Variants in GPHN observed in about 807,000 individuals in gnomAD.
GPHN encodes gephyrin.
GPHN carries 17 observed loss-of-function variants against 95.5 expected under a neutral mutation model. The ratio of observed to expected loss-of-function variants is 0.18; its 90% CI spans 0.12 to 0.27. The LOEUF is 0.27. Ranked by LOEUF, GPHN falls within the 10% of genes least tolerant of loss-of-function variation. GPHN has a pLI of 1.00. For synonymous variants in GPHN, 320 were observed against 322.5 expected (o/e 0.99, Z 0.08); for missense variants, 660 against 978.1 (o/e 0.67, Z 4.34).
intron 1 of GPHN, among the ~76,000 whole-genome samples, chr14:66,650,460 A>G (rs1372459461): frequency 1.3e-5 from 2 of 152,226 alleles, no homozygotes; most frequent in Admixed American, 6.5e-5. Flanking sequence ...TGCTAAGGAC[A>G]TATTTCATGA....
chr14:67,225,956 TGTGTGTGCGCGCGC>T, the GPHN span, among the ~76,000 whole-genome samples: 100 of 136,292 alleles, frequency 7.3e-4, 1 homozygote, highest in Non-Finnish European at 1.3e-3. Flanking sequence ...TGTGTGTGTG[TGTGTGTGCGCGCGC>T]GCGCGTGCGC....
At chr14:67,402,372 T>C in the GPHN span, among the ~76,000 whole-genome samples, 1 of 152,210 alleles carries the variant, frequency 6.6e-6, no homozygotes, top group Non-Finnish European at 1.5e-5. Context: ...ATAATCACAT[T>C]ATGGAGAATG....
intron 2 of GPHN, among the ~76,000 whole-genome samples, chr14:66,740,545 TAA>T (rs371122417): frequency 1.4e-5 from 2 of 141,030 alleles, no homozygotes; most frequent in Non-Finnish European, 1.6e-5. Flanking sequence ...ATTTAGTACT[TAA>T]AAAAAAAAAA....
chr14:66,679,769 A>C (rs1413684548), intron 1 of GPHN, among the ~76,000 whole-genome samples: 2 of 152,164 alleles, frequency 1.3e-5, no homozygotes, highest in African/African-American at 4.8e-5. Context: ...TTCAGATATA[A>C]AATCACTATT....
the GPHN span, among the ~76,000 whole-genome samples, chr14:67,389,603 T>A: frequency 1.3e-5 from 2 of 152,126 alleles, no homozygotes. Flanking sequence ...TATATGTATA[T>A]TTACATGTAT....
intron 17 of GPHN, among the ~76,000 whole-genome samples, chr14:67,124,778 A>G (rs1023680659): frequency 6.6e-6 from 1 of 151,476 alleles, no homozygotes; most frequent in Non-Finnish European, 1.5e-5. Context: ...TTTGTTCTGG[A>G]CTATAATTCT....
chr14:67,319,189 A>G, the GPHN span, among the ~76,000 whole-genome samples: 4 of 152,332 alleles, frequency 2.6e-5, no homozygotes, highest in South Asian at 8.3e-4. Context: ...TGTGCTGAGC[A>G]TTGACAAGCC....
At chr14:67,121,508 A>T (rs1348392697) in intron 16 of GPHN, among the ~76,000 whole-genome samples, 2 of 152,188 alleles carry the variant, frequency 1.3e-5, no homozygotes, top group African/African-American at 4.8e-5. Flanking sequence ...ATAAATGAGA[A>T]AATTACGACA....
Position 66,924,302 on chromosome 14 carries a change from G to A in GPHN, c.828+10G>A. On this transcript the variant is annotated intron_variant, in intron 8 of 22. Transcript: ENST00000478722. ...TTCAACAGATGAACGGGTAAGACAA[G>A]AGGCTTTTGCATTAATGGTTTTCCA... The A allele has an allele frequency of 6.7e-7, 1 of 1,481,908 alleles. No individual in the cohort carries two copies. The highest frequency in any genetic ancestry group is 9.4e-7 in the Non-Finnish European group (1 of 1,059,510). The allele number at this position is 1,481,908 out of a possible 1,614,324, so 91.8% of individuals were successfully genotyped here.
At chr14:67,238,769 A>G in the GPHN span, among the ~76,000 whole-genome samples, 9 of 151,976 alleles carry the variant, frequency 5.9e-5, no homozygotes, top group African/African-American at 2.2e-4. Context: ...TCAGCCTCCC[A>G]AGTAGCTGGG....
chr14:67,644,864 G>T, the GPHN span, among the ~76,000 whole-genome samples: 1 of 152,186 alleles, frequency 6.6e-6, no homozygotes, highest in East Asian at 1.9e-4. Flanking sequence ...CAGGCATGGT[G>T]GCATGTGCCT....
At chr14:66,940,899 A>G (rs1466408680) in intron 8 of GPHN, among the ~76,000 whole-genome samples, 2 of 152,186 alleles carry the variant, frequency 1.3e-5, no homozygotes, top group African/African-American at 4.8e-5. Context: ...ATGTCTCATG[A>G]CATGCCCAAA....
intron 8 of GPHN, among the ~76,000 whole-genome samples, chr14:66,963,304 C>T (rs1438675948): frequency 6.6e-6 from 1 of 151,984 alleles, no homozygotes; most frequent in Admixed American, 6.6e-5. Context: ...CATATATACA[C>T]ACAGAGATAT....
chr14:66,743,417 G>C (rs28732976), intron 2 of GPHN, among the ~76,000 whole-genome samples: 47,866 of 152,070 alleles, frequency 0.31, 11,525 homozygotes, highest in African/African-American at 0.65. Flanking sequence ...CCAAACTGGT[G>C]TTGTTGCCTG....
chr14:66,650,304 G>A (rs894112698), intron 1 of GPHN, among the ~76,000 whole-genome samples: 31 of 152,124 alleles, frequency 2.0e-4, no homozygotes, highest in Admixed American at 2.0e-3. Flanking sequence ...TTTTTCAAAA[G>A]AAAAGAACAT....
chr14:67,373,739 A>G, the GPHN span, among the ~76,000 whole-genome samples: 17 of 152,264 alleles, frequency 1.1e-4, no homozygotes, highest in East Asian at 3.1e-3. Context: ...GTGATAATCT[A>G]CCATGCAGGA....
chr14:67,138,137 G>T (rs2080211628), intron 17 of GPHN, among the ~76,000 whole-genome samples: 1 of 152,152 alleles, frequency 6.6e-6, no homozygotes, highest in Non-Finnish European at 1.5e-5. Flanking sequence ...ATATTTAGAA[G>T]AAGAATAGAG....
the GPHN span, chr14:67,573,385 C>G: frequency 6.4e-7 from 1 of 1,560,490 alleles, no homozygotes; most frequent in Non-Finnish European, 8.8e-7. The surrounding 1 kb of genome is among the most constrained non-coding windows in gnomAD (Gnocchi z 4.8). Context: ...TACAAGTCCC[C>G]GGTGAGAGTC....
the GPHN span, among the ~76,000 whole-genome samples, chr14:67,693,293 CAAG>C: frequency 6.6e-6 from 1 of 152,304 alleles, no homozygotes; most frequent in East Asian, 1.9e-4. Flanking sequence ...CTCTGCAGCA[CAAG>C]AACTGGATGA....
Sources: allele counts gnomAD v4.1 joint callset (sites outside exome capture counted in the v4.1 genomes callset), GRCh38; gene constraint gnomAD v4.1.1; non-coding constraint Gnocchi (gnomAD v3.1); transcripts MANE v1.5; gene names NCBI Gene and HGNC (gene_info 2026-07-23, HGNC 2026-07-21).